The following ACBD6 variants were observed in gnomAD, a reference collection of about 807,000 sequenced individuals.
ACBD6 encodes the protein acyl-CoA-binding domain-containing protein 6.
In ACBD6, 28 loss-of-function variants were observed where a neutral mutation model predicts 37.2. The ratio of observed to expected loss-of-function variants is 0.75; its 90% CI spans 0.56 to 1.03. The LOEUF is 1.03. ACBD6 is among the 50% of genes least tolerant of loss of function. The probability of loss-of-function intolerance (pLI) is 0.00; values close to 1 mark genes in which losing one functional copy is unlikely to be tolerated. For missense variants in ACBD6, 340 were observed against 337.4 expected (o/e 1.01, Z -0.06); for synonymous variants, 113 against 126.8 (o/e 0.89, Z 0.73).
At chr1:180,358,987 C>T (rs1652739698) in intron 6 of ACBD6, among the ~76,000 whole-genome samples, 1 of 152,102 alleles carries the variant, frequency 6.6e-6, no homozygotes, top group African/African-American at 2.4e-5. Flanking sequence ...TATCATTTGA[C>T]TTGATTTACC....
intron 7 of ACBD6, among the ~76,000 whole-genome samples, chr1:180,301,729 C>T (rs1650138123): frequency 6.6e-6 from 1 of 152,104 alleles, no homozygotes; most frequent in South Asian, 2.1e-4. Context: ...ATAAAATACA[C>T]AAGAACTGCG....
intron 6 of ACBD6, among the ~76,000 whole-genome samples, chr1:180,364,101 G>A (rs927306840): frequency 1.4e-4 from 21 of 152,138 alleles, no homozygotes; most frequent in African/African-American, 4.3e-4. Flanking sequence ...AATAAAGACT[G>A]GGCACTAAGT....
At chr1:180,280,495 A>G (rs1558231999) in intron 9 of ACBD6, among the ~76,000 whole-genome samples, 1 of 152,200 alleles carries the variant, frequency 6.6e-6, no homozygotes, top group Non-Finnish European at 1.5e-5. Flanking sequence ...TTTGTCCCCT[A>G]AAGTCTACCC....
chr1:180,462,319 T>C (rs1016848905), intron 3 of ACBD6, among the ~76,000 whole-genome samples: 7 of 152,246 alleles, frequency 4.6e-5, no homozygotes, highest in African/African-American at 7.2e-5. Flanking sequence ...CCAGGACCCA[T>C]TGGTATGCTG....
intron 5 of ACBD6, among the ~76,000 whole-genome samples, chr1:180,401,969 C>T (rs2101957738): frequency 6.6e-6 from 1 of 152,178 alleles, no homozygotes; most frequent in East Asian, 1.9e-4. Context: ...GTTGTCCTGT[C>T]ATTCTATCAA....
intron 3 of ACBD6, among the ~76,000 whole-genome samples, chr1:180,479,324 A>G (rs1441475679): frequency 1.3e-5 from 2 of 152,234 alleles, no homozygotes; most frequent in Non-Finnish European, 2.9e-5. Context: ...ATAAAAAAGA[A>G]TGAAATGTTA....
chr1:180,342,093 T>C (rs1041664063), intron 6 of ACBD6, among the ~76,000 whole-genome samples: 1 of 152,134 alleles, frequency 6.6e-6, no homozygotes, highest in Non-Finnish European at 1.5e-5. Flanking sequence ...ATGTGAAATG[T>C]TGAGATTTTT....
chr1:180,411,824 C>A (rs953443903), intron 5 of ACBD6, among the ~76,000 whole-genome samples: 1 of 152,110 alleles, frequency 6.6e-6, no homozygotes, highest in African/African-American at 2.4e-5. Flanking sequence ...CCCACCACCA[C>A]GCCTGGCTAA....
rs531784772 is a variant in ACBD6 at position 180,457,537 on chromosome 1, T to A, written c.385-27275A>T. On this transcript the variant is annotated intron_variant, in intron 3 of 7. Transcript: ENST00000367595. ...TAGATCTCCCTTAACCTGTCAGACC[T>A]GAGTTCTGCTCAAAAGACCTCAAAA... 4.6e-5 allele frequency among the ~76,000 whole-genome samples: 7 copies of A among 152,262 alleles called. No homozygotes were observed. The East Asian group carries it at 1.4e-3, about 29-fold the overall frequency.
intron 3 of ACBD6, among the ~76,000 whole-genome samples, chr1:180,488,283 T>A (rs1405656565): frequency 6.6e-6 from 1 of 152,032 alleles, no homozygotes; most frequent in Non-Finnish European, 1.5e-5. Flanking sequence ...GCAAAATAAT[T>A]GCCTTAATTA....
chr1:180,419,569 T>C (rs964744901), intron 4 of ACBD6, among the ~76,000 whole-genome samples: 1 of 152,206 alleles, frequency 6.6e-6, no homozygotes. Flanking sequence ...ACCGACCCCC[T>C]GCATAGTCAA....
Position 180,461,021 on chromosome 1 carries a change from T to A in ACBD6, c.385-30759A>T, listed in dbSNP as rs535211402. Among the ~76,000 whole-genome samples the A allele has an allele frequency of 2.4e-4, 37 of 152,216 alleles. 1 individual carries two copies. Among genetic ancestry groups the A allele is most frequent in the Admixed American group, 2.2e-3 (34 of 15,284 alleles). ...AACCATAATAGAACATTGCAGGAGC[T>A]GACAAACAAAATATCCAAGATAGGG... On this transcript the variant is annotated intron_variant, in intron 3 of 7. Transcript: ENST00000367595.
intron 6 of ACBD6, among the ~76,000 whole-genome samples, chr1:180,319,307 A>G (rs1650960284): frequency 6.6e-6 from 1 of 152,236 alleles, no homozygotes; most frequent in Non-Finnish European, 1.5e-5. Flanking sequence ...AAATGAGAGA[A>G]TGAATACACT....
intron 6 of ACBD6, among the ~76,000 whole-genome samples, chr1:180,392,278 TGTGTG>T (rs1558279877): frequency 8.3e-6 from 1 of 120,126 alleles, no homozygotes; most frequent in African/African-American, 2.6e-5. Flanking sequence ...TGTGTGTGTG[TGTGTG>T]TATGTATGTA....
chr1:180,307,806 C>T (rs1042907090), intron 7 of ACBD6, among the ~76,000 whole-genome samples: 37 of 152,130 alleles, frequency 2.4e-4, no homozygotes, highest in Middle Eastern at 3.4e-3. Context: ...AATACAAAAA[C>T]TAGCTGGGTA....
At chr1:180,387,917 T>TCG (rs1653905553) in intron 6 of ACBD6, among the ~76,000 whole-genome samples, 1 of 151,964 alleles carries the variant, frequency 6.6e-6, no homozygotes. Flanking sequence ...GGCTCACACC[T>TCG]GTAATCCCAC....
Position 180,327,799 on chromosome 1 carries a change from C to T in ACBD6, c.664-13077G>A, listed in dbSNP as rs185382341. Among the ~76,000 whole-genome samples, 6 of 152,294 alleles carry T rather than the reference C, an allele frequency of 3.9e-5. No homozygotes were observed. The East Asian group carries it at 1.2e-3, about 29-fold the overall frequency. On this transcript the variant is annotated intron_variant, in intron 6 of 7. Transcript: ENST00000367595. ...AGGATATTTAGCTTATAGTTACTAG[C>T]TGCAAAATCACTACTATATTCTGTT...
At chr1:180,439,349 C>A (rs1366645419) in intron 3 of ACBD6, among the ~76,000 whole-genome samples, 1 of 152,092 alleles carries the variant, frequency 6.6e-6, no homozygotes, top group Non-Finnish European at 1.5e-5. Flanking sequence ...CTGGGGGAGG[C>A]CGAGGCGGGT....
At chr1:180,440,020 T>C (rs1052591409) in intron 3 of ACBD6, among the ~76,000 whole-genome samples, 16 of 152,232 alleles carry the variant, frequency 1.1e-4, no homozygotes, top group African/African-American at 3.9e-4. Context: ...ATAATTTTCC[T>C]TTCATGTGAA....
Sources: gnomAD v4.1 joint callset for allele counts (sites outside exome capture counted in the v4.1 genomes callset) on GRCh38, gnomAD v4.1.1 for gene constraint, MANE v1.5 for transcripts, NCBI Gene and HGNC (gene_info 2026-07-23, HGNC 2026-07-21) for gene names.